EHD4: variants seen among roughly 807,000 people sequenced by gnomAD.
The protein encoded by EHD4 is EH domain-containing protein 4.
EHD4 carries 37 observed loss-of-function variants against 51.0 expected under a neutral mutation model. The observed-to-expected ratio is 0.73, with a 90% CI of 0.56 to 0.95. The LOEUF (loss-of-function observed/expected upper bound fraction) is 0.95, where lower values mean the gene tolerates loss of function less well. EHD4 is among the 40% of genes least tolerant of loss of function. The pLI, the probability that EHD4 is intolerant of heterozygous loss-of-function variation, is 0.00. For missense variants in EHD4, 632 were observed against 733.1 expected (o/e 0.86, Z 1.59); for synonymous variants, 297 against 317.3 (o/e 0.94, Z 0.68).
chr15:41,949,986 A>T, intron 2 of EHD4, among the ~76,000 whole-genome samples: 1 of 151,674 alleles, frequency 6.6e-6, no homozygotes, highest in East Asian at 1.9e-4. Flanking sequence ...GTCAACAAGC[A>T]CCTCCCCAGA....
chr15:41,910,941 A>C (rs1196397685), intron 4 of EHD4, among the ~76,000 whole-genome samples: 3 of 152,222 alleles, frequency 2.0e-5, no homozygotes, highest in Non-Finnish European at 4.4e-5. Context: ...GATGAAAAAC[A>C]GAGTGGTGAT....
At position 41,898,671 on chromosome 15, in the gene EHD4, C is replaced by T. The variant is rs1206599851; in HGVS notation, c.*1974G>A. 1.3e-5 allele frequency: 2 copies of T among 152,140 alleles called. No homozygotes were observed. The highest frequency in any genetic ancestry group is 1.3e-4 in the Admixed American group (2 of 15,276). 9.4% of individuals were successfully genotyped at this position (152,140 alleles called of 1,614,324 possible). On this transcript the variant is annotated 3_prime_UTR_variant, in exon 6 of 6. Coordinates refer to ENST00000220325, the MANE Select transcript of EHD4 (RefSeq NM_139265.4). Reference sequence around the variant, plus strand: ...TGACCAACATGGTAAAACCCCATCTCTACTAAAATACAAAAATTAGCCGGG... The same window carrying T: ...TGACCAACATGGTAAAACCCCATCTTTACTAAAATACAAAAATTAGCCGGG...
chr15:41,919,665 G>T, intron 3 of EHD4, 43 bp from the exon 4 acceptor site: 1 of 1,480,440 alleles, frequency 6.8e-7, no homozygotes, highest in South Asian at 1.5e-5. Flanking sequence ...ACTGCTGCAG[G>T]AGACACGTTT....
In EHD4 at chr15:41,907,447, C is replaced by T. The variant is rs138658777; in HGVS notation, c.1089+2252G>A. ...CAATACCACCTGGTGACCAGAAAAACCCAATTCAGCTTGTGAGCACAGGAA... is the reference window on the plus strand; with the variant it reads ...CAATACCACCTGGTGACCAGAAAAATCCAATTCAGCTTGTGAGCACAGGAA... On this transcript the variant is annotated intron_variant, in intron 5 of 5. Coordinates refer to ENST00000220325, the MANE Select transcript of EHD4 (RefSeq NM_139265.4). 2.2e-3 allele frequency among the ~76,000 whole-genome samples: 330 copies of T among 152,316 alleles called. 1 individual carries two copies. Among genetic ancestry groups the T allele is most frequent in the African/African-American group, 7.5e-3 (311 of 41,564 alleles).
At chr15:41,941,267 A>G (rs2067767677) in intron 3 of EHD4, among the ~76,000 whole-genome samples, 2 of 152,232 alleles carry the variant, frequency 1.3e-5, no homozygotes, top group African/African-American at 4.8e-5. Context: ...ATGGAACCCA[A>G]GTAGCTATTA....
intron 3 of EHD4, among the ~76,000 whole-genome samples, chr15:41,939,661 A>G (rs1230050200): frequency 1.3e-5 from 2 of 152,136 alleles, no homozygotes; most frequent in African/African-American, 2.4e-5. Flanking sequence ...TTAGCCAGGC[A>G]TGGTGGCAGG....
intron 3 of EHD4, among the ~76,000 whole-genome samples, chr15:41,941,056 T>C (rs2067766374): frequency 1.3e-5 from 2 of 152,070 alleles, no homozygotes; most frequent in Non-Finnish European, 2.9e-5. Flanking sequence ...TGCTTTATTA[T>C]CCATACTATC....
At chr15:41,930,504 TCAGGCTA>T (rs1324423568) in intron 3 of EHD4, among the ~76,000 whole-genome samples, 3 of 152,222 alleles carry the variant, frequency 2.0e-5, no homozygotes, top group African/African-American at 7.2e-5. Context: ...TAATGTTTCT[TCAGGCTA>T]CAGTTTTCTA....
intron 1 of EHD4, among the ~76,000 whole-genome samples, chr15:41,964,772 AAT>A (rs1055213191): frequency 4.2e-5 from 6 of 143,422 alleles, no homozygotes; most frequent in African/African-American, 1.3e-4. Context: ...AAAAAAAAAA[AAT>A]ATATATATAT....
intron 4 of EHD4, among the ~76,000 whole-genome samples, chr15:41,913,221 C>T (rs1029433749): frequency 1.3e-5 from 2 of 152,184 alleles, no homozygotes; most frequent in African/African-American, 4.8e-5. Flanking sequence ...ACAGACGGGA[C>T]AGCTTGAATG....
In EHD4 at chr15:41,900,950, C is replaced by G; in HGVS notation, c.1321G>C (p.Glu441Gln). Residue 441 changes from glutamate to glutamine, a missense_variant, in exon 6 of 6, where the codon GAG becomes CAG. By Grantham distance (29) the Glu-to-Gln change is conservative (BLOSUM62 2). Transcript: ENST00000220325. This position sits in a 1 kb window ranked among gnomAD's most constrained non-coding sequence, Gnocchi z 4.8. ...EGAKEGADEEEWVVAKDKPVY... is the reference protein window; with the variant it reads ...EGAKEGADEEQWVVAKDKPVY... ...GGCTTGTCTTTGGCCACGACCCACT[C>G]CTCCTCGTCGGCGCCCTCCTTGGCA... 1.9e-6 allele frequency: 3 copies of G among 1,613,226 alleles called. No homozygotes were observed. The highest frequency in any genetic ancestry group is 2.5e-6 in the Non-Finnish European group (3 of 1,179,268).
chr15:41,927,880 T>C (rs1010773721), intron 3 of EHD4, among the ~76,000 whole-genome samples: 1 of 152,226 alleles, frequency 6.6e-6, no homozygotes, highest in African/African-American at 2.4e-5. Flanking sequence ...AAAATTGGTT[T>C]AATCAAGTGA....
chr15:41,927,725 A>C (rs2067671770), intron 3 of EHD4, among the ~76,000 whole-genome samples: 1 of 152,198 alleles, frequency 6.6e-6, no homozygotes, highest in African/African-American at 2.4e-5. Flanking sequence ...AACCAGCATA[A>C]AATTTCAGTT....
Position 41,909,878 on chromosome 15 carries a change from A to C in EHD4, c.925-15T>G, listed in dbSNP as rs760777718. 2.5e-6 allele frequency: 4 copies of C among 1,613,988 alleles called. No homozygotes were observed. The highest frequency in any genetic ancestry group is 1.3e-5 in the African/African-American group (1 of 75,012). Reference sequence around the variant, plus strand: ...TAGGCATGCACCTGGAGGGGTATAGATCAGGCAGGGAAGTGTCATTTAGAA... The same window carrying C: ...TAGGCATGCACCTGGAGGGGTATAGCTCAGGCAGGGAAGTGTCATTTAGAA... On this transcript the variant is annotated splice_polypyrimidine_tract_variant and intron_variant, in intron 4 of 5. Transcript: ENST00000220325.
In EHD4 at chr15:41,898,822, G is replaced by C. The variant is rs542783365; in HGVS notation, c.*1823C>G. 2 of 152,262 alleles carry C rather than the reference G, an allele frequency of 1.3e-5. No individual in the cohort carries two copies. The highest frequency in any genetic ancestry group is 1.9e-4 in the East Asian group (1 of 5,184). 9.4% of individuals were successfully genotyped at this position (152,262 alleles called of 1,614,324 possible). A position where few individuals can be genotyped will look rare whatever the true frequency, so the allele number is the denominator to read the frequency against. ...ACTGCACTCCAGCCTGGGTGACAGA[G>C]ACTTCCTCTCAAAATAAAAATAAAA... On this transcript the variant is annotated 3_prime_UTR_variant, in exon 6 of 6. Coordinates refer to ENST00000220325, the MANE Select transcript of EHD4 (RefSeq NM_139265.4).
intron 2 of EHD4, among the ~76,000 whole-genome samples, chr15:41,945,888 G>A (rs987872639): frequency 5.9e-5 from 9 of 152,142 alleles, no homozygotes; most frequent in Non-Finnish European, 1.0e-4. Flanking sequence ...TTCATGTCCC[G>A]ACCCCATCAA....
At chr15:41,901,814 G>A (rs1179757051) in intron 5 of EHD4, among the ~76,000 whole-genome samples, 5 of 152,200 alleles carry the variant, frequency 3.3e-5, no homozygotes, top group African/African-American at 1.2e-4. Flanking sequence ...CAGGAACCCC[G>A]TAGGACCAGC....
At chr15:41,935,330 C>A (rs2067724895) in intron 3 of EHD4, among the ~76,000 whole-genome samples, 1 of 152,196 alleles carries the variant, frequency 6.6e-6, no homozygotes, top group Non-Finnish European at 1.5e-5. Context: ...TGAGGTCTCA[C>A]TGTTGCTGTG....
chr15:41,923,046 T>C (rs1566819744), intron 3 of EHD4, among the ~76,000 whole-genome samples: 1 of 152,214 alleles, frequency 6.6e-6, no homozygotes, highest in South Asian at 2.1e-4. Context: ...ATTATTTTGC[T>C]ACTTTAAGCA....
Sources: allele counts gnomAD v4.1 joint callset (sites outside exome capture counted in the v4.1 genomes callset), GRCh38; gene constraint gnomAD v4.1.1; non-coding constraint Gnocchi (gnomAD v3.1); transcripts MANE v1.5; gene names NCBI Gene and HGNC (gene_info 2026-07-23, HGNC 2026-07-21).